Variants in RNF157 observed in about 807,000 individuals in gnomAD.
The protein encoded by RNF157 is E3 ubiquitin ligase RNF157.
Under a neutral mutation model 88.3 loss-of-function variants are expected in RNF157, and 55 were observed. The ratio of observed to expected loss-of-function variants is 0.62; its 90% CI spans 0.50 to 0.78. The LOEUF is 0.78. RNF157 is among the 30% of genes least tolerant of loss of function. The probability of loss-of-function intolerance (pLI) is 0.00; values close to 1 mark genes in which losing one functional copy is unlikely to be tolerated. For synonymous variants in RNF157, 334 were observed against 341.2 expected, an observed-to-expected ratio of 0.98 and a Z score of 0.23; for missense variants, 788 against 860.8, an observed-to-expected ratio of 0.92 and a Z score of 1.06.
chr17:76,232,922 G>A lies in RNF157; in HGVS notation c.88+7231C>T, dbSNP rs571666029. Among the ~76,000 whole-genome samples the A allele has an allele frequency of 3.5e-5, 5 of 142,532 alleles. No individual in the cohort carries two copies. In the East Asian group the frequency reaches 6.7e-4, roughly 19 times the overall value. 93.5% of individuals were successfully genotyped at this position (142,532 alleles called of 152,430 possible). A position where few individuals can be genotyped will look rare whatever the true frequency, so the allele number is the denominator to read the frequency against. On this transcript the variant is annotated intron_variant, in intron 1 of 18. Transcript: ENST00000269391. ...TCAGTGAAGTATCTATTGAAATCTCGCATATTTTTTTTTTTTGAGACACAG... is the reference window on the plus strand; with the variant it reads ...TCAGTGAAGTATCTATTGAAATCTCACATATTTTTTTTTTTTGAGACACAG...
At position 76,161,686 on chromosome 17, in the gene RNF157, C is replaced by A. The variant is rs771048097; in HGVS notation, c.953-39G>T. ...AACAGGCAATCAGGACATCCTGATA[C>A]AGGATTAAGAATGAACAAGAGCCCA... On this transcript the variant is annotated intron_variant, in intron 10 of 18. Transcript: ENST00000269391. This position sits in a 1 kb window ranked among gnomAD's most constrained non-coding sequence, Gnocchi z 4.6. The A allele has an allele frequency of 1.9e-6, 3 of 1,569,166 alleles. No individual in the cohort carries two copies. The South Asian group carries it at 3.4e-5, about 18-fold the overall frequency.
At position 76,212,373 on chromosome 17, in the gene RNF157, T is replaced by G; in HGVS notation, c.198A>C (p.Arg66Ser). ...CTGATTACAGCCATACCACAACTGG[T>G]CTGTTCCCCAGAAAGTTCAGATCGC... Reference protein sequence around the residue: ...ENSDLNFLGNRPVVFPYAAPP... With the variant: ...ENSDLNFLGNSPVVFPYAAPP... The change falls in exon 2 of 19, where the codon AGA (arginine) becomes AGC (serine). Residue 66 changes from arginine to serine, a missense_variant. By Grantham distance (110) the Arg-to-Ser change is moderately radical. Coordinates refer to ENST00000269391, the MANE Select transcript of RNF157 (RefSeq NM_052916.3). The G allele has an allele frequency of 6.2e-7, 1 of 1,609,488 alleles. No individual in the cohort carries two copies. Among genetic ancestry groups the G allele is most frequent in the Non-Finnish European group, 8.5e-7 (1 of 1,175,776 alleles).
At chr17:76,235,665 T>C (rs1041196181) in intron 1 of RNF157, among the ~76,000 whole-genome samples, 2 of 152,146 alleles carry the variant, frequency 1.3e-5, no homozygotes, top group East Asian at 1.9e-4. Flanking sequence ...GACAAGAATA[T>C]GTGTACTCTA....
chr17:76,194,070 T>C (rs2069432501), intron 2 of RNF157, among the ~76,000 whole-genome samples: 1 of 152,190 alleles, frequency 6.6e-6, no homozygotes, highest in Non-Finnish European at 1.5e-5. Context: ...TGTTGGTTTG[T>C]TTATCAAGGT....
intron 1 of RNF157, among the ~76,000 whole-genome samples, chr17:76,218,805 G>C (rs567106712): frequency 6.6e-6 from 1 of 152,018 alleles, no homozygotes; most frequent in Non-Finnish European, 1.5e-5. Context: ...GTGATGGCAT[G>C]TGTCTGTAGT....
rs372361516 is a variant in RNF157 at position 76,158,388 on chromosome 17, A to G, written c.1413+5T>C. On this transcript the variant is annotated splice_donor_5th_base_variant and intron_variant, in intron 13 of 18. Coordinates refer to ENST00000269391, the MANE Select transcript of RNF157 (RefSeq NM_052916.3). ...ACCCAAGAAGAGGAGAGGAATGTCAATTACCTCTCCGAGATGCTGAACCGA... is the reference window on the plus strand; with the variant it reads ...ACCCAAGAAGAGGAGAGGAATGTCAGTTACCTCTCCGAGATGCTGAACCGA... The G allele has an allele frequency of 1.7e-4, 272 of 1,586,790 alleles. No homozygotes were observed. Among genetic ancestry groups the G allele is most frequent in the Non-Finnish European group, 2.3e-4 (261 of 1,155,858 alleles).
intron 2 of RNF157, among the ~76,000 whole-genome samples, chr17:76,205,192 G>A (rs1021541993): frequency 6.7e-6 from 1 of 149,258 alleles, no homozygotes; most frequent in African/African-American, 2.5e-5. Context: ...AGGCTAGAGT[G>A]CAGTAGCATA....
chr17:76,166,508 C>T lies in RNF157; in HGVS notation c.581G>A (p.Arg194Gln), dbSNP rs771387559. 9 of 1,613,796 alleles carry T rather than the reference C, an allele frequency of 5.6e-6. No individual in the cohort carries two copies. The East Asian group carries it at 8.9e-5, about 16-fold the overall frequency. The change falls in exon 6 of 19, where the codon CGA becomes CAA. Residue 194 changes from arginine to glutamine, a missense_variant. Transcript: ENST00000269391. Reference protein sequence around the residue: ...AEEELGFDLDREVYPLVVHAV... With the variant: ...AEEELGFDLDQEVYPLVVHAV... ...ATGTACCACTAGAGGGTAAACTTCT[C>T]GGTCTAAATCAAAGCCAAGCTGAAG... is the stretch of plus-strand genomic sequence containing the variant.
chr17:76,198,709 A>G (rs2069519838), intron 2 of RNF157, among the ~76,000 whole-genome samples: 1 of 152,168 alleles, frequency 6.6e-6, no homozygotes, highest in African/African-American at 2.4e-5. Flanking sequence ...ACTTCATCTG[A>G]GAGATCTTTT....
chr17:76,185,475 C>CTTTTTTTTTTTTTTTTTTTTTTTTT lies in RNF157; in HGVS notation c.208-11686_208-11685insAAAAAAAAAAAAAAAAAAAAAAAAA, dbSNP rs71161271. 2.8e-5 allele frequency among the ~76,000 whole-genome samples: 4 copies of CTTTTTTTTTTTTTTTTTTTTTTTTT among 141,904 alleles called. 1 individual carries two copies. Among genetic ancestry groups the CTTTTTTTTTTTTTTTTTTTTTTTTT allele is most frequent in the African/African-American group, 1.1e-4 (4 of 36,772 alleles). The allele number at this position is 141,904 out of a possible 152,430, so 93.1% of individuals were successfully genotyped here. On this transcript the variant is annotated intron_variant, in intron 2 of 18. Transcript: ENST00000269391. Reference sequence around the variant, plus strand: ...ACTAGTGGTCAGAGATTAGTCCTTTCTTTTTTTTTTTTGAGACGGAGTCTC... The same window carrying CTTTTTTTTTTTTTTTTTTTTTTTTT: ...ACTAGTGGTCAGAGATTAGTCCTTTCTTTTTTTTTTTTTTTTTTTTTTTTTTTTTTTTTTTTTGAGACGGAGTCTC...
At position 76,142,586 on chromosome 17, in the gene RNF157, T is replaced by G. The variant is rs1471020900; in HGVS notation, c.*2649A>C. 1 of 152,100 alleles carries G rather than the reference T, an allele frequency of 6.6e-6. No homozygotes were observed. The highest frequency in any genetic ancestry group is 1.5e-5 in the Non-Finnish European group (1 of 68,042). The allele number at this position is 152,100 out of a possible 1,614,324, so 9.4% of individuals were successfully genotyped here. On this transcript the variant is annotated 3_prime_UTR_variant, in exon 19 of 19. Transcript: ENST00000269391. ...CACAAGTGTACTCCAGGGAGAGGGGTACACAGATGGCACAAGCAGTATACA... is the reference window on the plus strand; with the variant it reads ...CACAAGTGTACTCCAGGGAGAGGGGGACACAGATGGCACAAGCAGTATACA...
At position 76,176,295 on chromosome 17, in the gene RNF157, G is replaced by A. The variant is rs2069101547; in HGVS notation, c.208-2505C>T. On this transcript the variant is annotated intron_variant, in intron 2 of 18. Transcript: ENST00000269391. The surrounding 1 kb of genome is among the most constrained non-coding windows in gnomAD (Gnocchi z 4.2). ...ATAAAGGAAGTGATCATTTCTGGCT[G>A]AGGTAATCTGAAGGCTTCATGGAGG... 6.6e-6 allele frequency among the ~76,000 whole-genome samples: 1 copy of A among 152,188 alleles called. No individual in the cohort carries two copies. The highest frequency in any genetic ancestry group is 2.4e-5 in the African/African-American group (1 of 41,434).
At chr17:76,185,451 C>T (rs1004572132) in intron 2 of RNF157, among the ~76,000 whole-genome samples, 2 of 151,476 alleles carry the variant, frequency 1.3e-5, no homozygotes, top group African/African-American at 4.9e-5. Context: ...TAAATAATGA[C>T]TAGTGGTCAG....
chr17:76,201,386 T>G (rs1412017156), intron 2 of RNF157, among the ~76,000 whole-genome samples: 1 of 150,464 alleles, frequency 6.6e-6, no homozygotes, highest in African/African-American at 2.4e-5. Context: ...GTGTCATGTA[T>G]CTGTAGTCCC....
intron 9 of RNF157, 62 bp downstream of exon 9, chr17:76,162,490 G>T: frequency 1.6e-6 from 2 of 1,276,230 alleles, no homozygotes; most frequent in Non-Finnish European, 2.3e-6. Flanking sequence ...CTGGACGCTG[G>T]CTTACGATTT....
At chr17:76,228,959 T>C (rs2070142532) in intron 1 of RNF157, among the ~76,000 whole-genome samples, 1 of 151,524 alleles carries the variant, frequency 6.6e-6, no homozygotes, top group Non-Finnish European at 1.5e-5. Flanking sequence ...AAAAATTCAC[T>C]CACCCACCCA....
intron 1 of RNF157, among the ~76,000 whole-genome samples, chr17:76,221,591 C>G (rs995052643): frequency 6.6e-6 from 1 of 152,150 alleles, no homozygotes; most frequent in Non-Finnish European, 1.5e-5. Flanking sequence ...TTACTGTATA[C>G]AATCAACAAA....
chr17:76,184,189 TAAA>T (rs542969861), intron 2 of RNF157, among the ~76,000 whole-genome samples: 5 of 110,794 alleles, frequency 4.5e-5, no homozygotes, highest in Non-Finnish European at 3.8e-5. Flanking sequence ...AGACTCCATC[TAAA>T]AAAAAAAAAA....
At chr17:76,186,691 G>A (rs2144928299) in intron 2 of RNF157, among the ~76,000 whole-genome samples, 1 of 152,186 alleles carries the variant, frequency 6.6e-6, no homozygotes, top group Middle Eastern at 3.4e-3. Flanking sequence ...TGTAATCCCA[G>A]CACTTTGGGA....
Sources: gnomAD v4.1 joint callset for allele counts (sites outside exome capture counted in the v4.1 genomes callset) on GRCh38, gnomAD v4.1.1 for gene constraint, Gnocchi (gnomAD v3.1) non-coding constraint, MANE v1.5 for transcripts, NCBI Gene and HGNC (gene_info 2026-07-23, HGNC 2026-07-21) for gene names.